Variants in FSTL5 observed in about 807,000 individuals in gnomAD.
FSTL5 encodes follistatin-related protein 5.
In FSTL5, 62 loss-of-function variants were observed where a neutral mutation model predicts 89.1. The observed-to-expected ratio is 0.70, with a 90% CI of 0.57 to 0.86. The LOEUF is 0.86. Ranked by LOEUF, FSTL5 falls within the 40% of genes least tolerant of loss-of-function variation. The probability of loss-of-function intolerance (pLI) is 0.00; values close to 1 mark genes in which losing one functional copy is unlikely to be tolerated. For synonymous variants in FSTL5, 383 were observed against 346.2 expected, an observed-to-expected ratio of 1.11 and a Z score of -1.18; for missense variants, 1,057 against 1,001.6, an observed-to-expected ratio of 1.06 and a Z score of -0.75.
chr4:162,042,701 CATTT>C (rs1179013656), intron 2 of FSTL5, among the ~76,000 whole-genome samples: 4 of 151,884 alleles, frequency 2.6e-5, no homozygotes, highest in Middle Eastern at 3.2e-3. Flanking sequence ...AAATTAGAAA[CATTT>C]ATTTCTCAAT....
At chr4:161,651,408 AT>A (rs1216241831) in intron 7 of FSTL5, among the ~76,000 whole-genome samples, 1 of 151,882 alleles carries the variant, frequency 6.6e-6, no homozygotes, top group Non-Finnish European at 1.5e-5. Flanking sequence ...TGGTTCCAGC[AT>A]TTCCTGTGAA....
chr4:161,903,526 A>G (rs1733431138), intron 4 of FSTL5, among the ~76,000 whole-genome samples: 1 of 151,920 alleles, frequency 6.6e-6, no homozygotes, highest in Non-Finnish European at 1.5e-5. Context: ...TGGAATTTTG[A>G]TAAAAAGTTT....
chr4:161,873,095 C>T (rs966447095), intron 4 of FSTL5, among the ~76,000 whole-genome samples: 1 of 152,008 alleles, frequency 6.6e-6, no homozygotes, highest in African/African-American at 2.4e-5. Context: ...CTAAATTTTT[C>T]TGAGAGTCTA....
intron 4 of FSTL5, among the ~76,000 whole-genome samples, chr4:161,855,605 T>G (rs1731696902): frequency 6.6e-6 from 1 of 152,150 alleles, no homozygotes; most frequent in Admixed American, 6.5e-5. Flanking sequence ...TACTTAAAAT[T>G]TACAGAAAAG....
intron 6 of FSTL5, among the ~76,000 whole-genome samples, chr4:161,745,089 C>CA (rs368010645): frequency 9.2e-4 from 140 of 151,528 alleles, no homozygotes; most frequent in African/African-American, 3.3e-3. Context: ...AAAACAACAA[C>CA]AAAAAATAAA....
intron 4 of FSTL5, among the ~76,000 whole-genome samples, chr4:161,856,373 G>T (rs1317505493): frequency 1.3e-5 from 2 of 151,860 alleles, no homozygotes; most frequent in African/African-American, 4.8e-5. Context: ...AAATATTAAT[G>T]ATTTAATTAT....
At chr4:161,939,213 T>C (rs1450827885) in intron 3 of FSTL5, among the ~76,000 whole-genome samples, 1 of 151,932 alleles carries the variant, frequency 6.6e-6, no homozygotes, top group Non-Finnish European at 1.5e-5. Context: ...ATAAGGAAGA[T>C]TCATTTAAAA....
chr4:161,705,790 A>T (rs1020751014), intron 6 of FSTL5, among the ~76,000 whole-genome samples: 1 of 150,668 alleles, frequency 6.6e-6, no homozygotes, highest in African/African-American at 2.4e-5. Flanking sequence ...ATTTTAAAAT[A>T]GTTACTATAA....
intron 13 of FSTL5, among the ~76,000 whole-genome samples, chr4:161,477,343 T>A (rs191035199): frequency 1.4e-4 from 21 of 150,864 alleles, no homozygotes; most frequent in Non-Finnish European, 1.2e-4. Flanking sequence ...GTATATATAT[T>A]TTTTTCCATT....
At chr4:161,564,139 C>A (rs886429640) in intron 8 of FSTL5, among the ~76,000 whole-genome samples, 4 of 151,490 alleles carry the variant, frequency 2.6e-5, no homozygotes, top group African/African-American at 9.7e-5. Context: ...TCAGATAAAT[C>A]TCAGCCAGCC....
intron 8 of FSTL5, among the ~76,000 whole-genome samples, chr4:161,568,499 T>G (rs1242262098): frequency 3.3e-5 from 5 of 152,184 alleles, no homozygotes; most frequent in African/African-American, 1.2e-4. Flanking sequence ...GGTCTTAAGC[T>G]TTACTAAATA....
intron 4 of FSTL5, among the ~76,000 whole-genome samples, chr4:161,797,371 A>G (rs1323583491): frequency 6.6e-6 from 1 of 151,642 alleles, no homozygotes; most frequent in African/African-American, 2.4e-5. Flanking sequence ...TACACATAAT[A>G]CAATTACAGT....
chr4:161,677,640 G>A (rs903148838), intron 6 of FSTL5, among the ~76,000 whole-genome samples: 21 of 151,904 alleles, frequency 1.4e-4, no homozygotes, highest in Admixed American at 9.9e-4. Flanking sequence ...TGTGAGAACC[G>A]AAAGAGTGTT....
chr4:161,712,991 C>A (rs1009364888), intron 6 of FSTL5, among the ~76,000 whole-genome samples: 1 of 152,136 alleles, frequency 6.6e-6, no homozygotes, highest in Non-Finnish European at 1.5e-5. Flanking sequence ...GCCAAATAAA[C>A]CTCCTTTCTT....
At chr4:161,976,352 G>T (rs1480083485) in intron 3 of FSTL5, among the ~76,000 whole-genome samples, 1 of 152,086 alleles carries the variant, frequency 6.6e-6, no homozygotes, top group South Asian at 2.1e-4. Flanking sequence ...ATGCATACGG[G>T]CTGGTAAAGG....
intron 2 of FSTL5, among the ~76,000 whole-genome samples, chr4:162,058,448 A>T (rs1052200643): frequency 8.6e-6 from 1 of 116,818 alleles, no homozygotes; most frequent in Non-Finnish European, 1.7e-5. Context: ...TTTTTTTGAG[A>T]CAGGGTCTCG....
At chr4:162,096,605 A>G (rs1014654316) in intron 2 of FSTL5, among the ~76,000 whole-genome samples, 8 of 151,810 alleles carry the variant, frequency 5.3e-5, no homozygotes, top group Admixed American at 1.3e-4. Context: ...AGATGCCTAC[A>G]TACCCTTTCC....
At chr4:162,046,672 G>A (rs899679079) in intron 2 of FSTL5, among the ~76,000 whole-genome samples, 1 of 152,064 alleles carries the variant, frequency 6.6e-6, no homozygotes. Flanking sequence ...TGTATTTTTA[G>A]AGTGATAAAT....
chr4:161,531,319 A>C (rs1194738678), intron 10 of FSTL5, among the ~76,000 whole-genome samples: 1 of 152,154 alleles, frequency 6.6e-6, no homozygotes, highest in Non-Finnish European at 1.5e-5. Context: ...TTTCTGGCAA[A>C]TGTAGTGTAG....
Sources: allele counts gnomAD v4.1 joint callset (sites outside exome capture counted in the v4.1 genomes callset), GRCh38; gene constraint gnomAD v4.1.1; transcripts MANE v1.5; gene names NCBI Gene and HGNC (gene_info 2026-07-23, HGNC 2026-07-21).